Variants in ST7 observed in about 807,000 individuals in gnomAD.
The protein encoded by ST7 is suppressor of tumorigenicity 7 protein.
Under a neutral mutation model 78.7 loss-of-function variants are expected in ST7, and 28 were observed. That is an observed-to-expected ratio of 0.36 (90% CI 0.26 to 0.49). The LOEUF (loss-of-function observed/expected upper bound fraction) is 0.49. Among genes scored for constraint, ST7 ranks in the 20% least tolerant of loss-of-function variants. The pLI, the probability that ST7 is intolerant of heterozygous loss-of-function variation, is 0.99. For missense variants in ST7, 418 were observed against 696.0 expected, an observed-to-expected ratio of 0.60 and a Z score of 4.49; for synonymous variants, 247 against 249.6, an observed-to-expected ratio of 0.99 and a Z score of 0.10.
At chr7:116,966,247 C>CTTTTTTTTTTTTTTTTTTTT (rs374887005) in intron 1 of ST7, 2 of 178,562 alleles carry the variant, frequency 1.1e-5, no homozygotes, top group South Asian at 7.2e-5. Flanking sequence ...TTTTTTCTTT[C>CTTTTTTTTTTTTTTTTTTTT]TTTTTTTTTT....
chr7:117,090,637 T>G (rs935380575), intron 1 of ST7: 10 of 163,124 alleles, frequency 6.1e-5, no homozygotes, highest in African/African-American at 2.2e-4. Context: ...TTAAATAGTT[T>G]ATGAGAAACA....
intron 1 of ST7, among the ~76,000 whole-genome samples, chr7:116,990,317 C>G (rs1392140873): frequency 1.3e-5 from 2 of 152,128 alleles, no homozygotes; most frequent in Non-Finnish European, 2.9e-5. Context: ...CAGCTTTCCT[C>G]TTTATCCTGC....
chr7:117,031,197 G>A (rs970938633), intron 1 of ST7, among the ~76,000 whole-genome samples: 1 of 151,842 alleles, frequency 6.6e-6, no homozygotes, highest in Non-Finnish European at 1.5e-5. Context: ...AAGGAGGAGG[G>A]TGGGAGGAGG....
At chr7:116,961,079 A>G (rs1368987157) in intron 1 of ST7, among the ~76,000 whole-genome samples, 1 of 152,088 alleles carries the variant, frequency 6.6e-6, no homozygotes, top group Non-Finnish European at 1.5e-5. Flanking sequence ...TCCTTCTCCC[A>G]TTGCTTGTTT....
chr7:116,998,069 G>A (rs749444344), intron 1 of ST7, among the ~76,000 whole-genome samples: 6 of 152,208 alleles, frequency 3.9e-5, no homozygotes, highest in East Asian at 3.9e-4. Context: ...GGGGATGCTC[G>A]GGCTGCACAG....
chr7:117,181,208 C>T (rs112542546), intron 10 of ST7, among the ~76,000 whole-genome samples: 4 of 152,138 alleles, frequency 2.6e-5, no homozygotes, highest in African/African-American at 4.8e-5. Context: ...TAAATAAGTA[C>T]GTACAAGTCA....
chr7:117,038,177 G>C (rs1796996257), intron 1 of ST7, among the ~76,000 whole-genome samples: 1 of 152,204 alleles, frequency 6.6e-6, no homozygotes, highest in South Asian at 2.1e-4. Flanking sequence ...TGTAGGGTTT[G>C]TGACAGTTCC....
intron 2 of ST7, among the ~76,000 whole-genome samples, chr7:117,103,609 T>C (rs973497415): frequency 2.0e-4 from 29 of 146,466 alleles, no homozygotes; most frequent in African/African-American, 7.0e-4. Flanking sequence ...CAAAATGGAT[T>C]AAATACTTAA....
intron 1 of ST7, among the ~76,000 whole-genome samples, chr7:116,961,802 A>G (rs1475142264): frequency 6.6e-6 from 1 of 151,290 alleles, no homozygotes; most frequent in Non-Finnish European, 1.5e-5. Flanking sequence ...GTTCTGGGAT[A>G]CAAGTGCAGA....
intron 3 of ST7, among the ~76,000 whole-genome samples, chr7:117,129,522 G>A (rs1483810682): frequency 6.6e-6 from 1 of 151,884 alleles, no homozygotes; most frequent in Non-Finnish European, 1.5e-5. Context: ...AATAATTTTA[G>A]GAGTTATGAA....
intron 1 of ST7, among the ~76,000 whole-genome samples, chr7:116,999,255 C>T (rs762601755): frequency 6.6e-6 from 1 of 152,128 alleles, no homozygotes; most frequent in African/African-American, 2.4e-5. Context: ...GGAATTATAA[C>T]AGAATTAGAA....
intron 10 of ST7, among the ~76,000 whole-genome samples, chr7:117,186,319 G>A (rs1809253688): frequency 6.6e-6 from 1 of 152,018 alleles, no homozygotes; most frequent in South Asian, 2.1e-4. Flanking sequence ...ATAAAATAAG[G>A]GTTACTTGAA....
At chr7:117,050,471 C>T (rs1327591100) in intron 1 of ST7, among the ~76,000 whole-genome samples, 1 of 152,190 alleles carries the variant, frequency 6.6e-6, no homozygotes, top group Non-Finnish European at 1.5e-5. Flanking sequence ...CAATTGTTTA[C>T]ATTTCTCCTG....
At chr7:116,987,256 G>T (rs1794228316) in intron 1 of ST7, among the ~76,000 whole-genome samples, 1 of 152,172 alleles carries the variant, frequency 6.6e-6, no homozygotes, top group African/African-American at 2.4e-5. Flanking sequence ...AATGGGCTGG[G>T]TATTTTTCAT....
In ST7 at chr7:117,229,895, C is replaced by A; in HGVS notation, c.*38C>A. 6.5e-7 allele frequency: 1 copy of A among 1,534,210 alleles called. No homozygotes were observed. The highest frequency in any genetic ancestry group is 9.0e-7 in the Non-Finnish European group (1 of 1,106,992). ...CCTCCACTCACCTCACCCGCCGCTG[C>A]CACCATCTCCTCTGTGCCAACTCCT... On this transcript the variant is annotated 3_prime_UTR_variant, in exon 16 of 16. Transcript: ENST00000323984.
chr7:117,185,318 T>C (rs747895443), intron 10 of ST7, among the ~76,000 whole-genome samples: 3 of 152,216 alleles, frequency 2.0e-5, no homozygotes, highest in Non-Finnish European at 2.9e-5. Flanking sequence ...GCTCCACCAA[T>C]GTATTTGCCC....
chr7:117,210,447 A>C (rs1054729994), intron 13 of ST7, among the ~76,000 whole-genome samples: 1 of 152,230 alleles, frequency 6.6e-6, no homozygotes, highest in Admixed American at 6.5e-5. Flanking sequence ...GAGGTGTAGC[A>C]TTCATGTATT....
chr7:117,194,555 T>A (rs968817019), intron 12 of ST7, among the ~76,000 whole-genome samples: 8 of 152,328 alleles, frequency 5.3e-5, no homozygotes, highest in African/African-American at 1.9e-4. Flanking sequence ...GCTGGTGATT[T>A]TCAACAACTG....
chr7:117,082,734 A>G (rs1799879267), intron 1 of ST7, among the ~76,000 whole-genome samples: 1 of 152,240 alleles, frequency 6.6e-6, no homozygotes, highest in East Asian at 1.9e-4. Flanking sequence ...CAGACAGTAA[A>G]TATTTTCAGC....
Sources: allele counts gnomAD v4.1 joint callset (sites outside exome capture counted in the v4.1 genomes callset), GRCh38; gene constraint gnomAD v4.1.1; transcripts MANE v1.5; gene names NCBI Gene and HGNC (gene_info 2026-07-23, HGNC 2026-07-21).